The following PCDH11Y variants were observed in gnomAD, a reference collection of about 807,000 sequenced individuals.
The protein encoded by PCDH11Y is protocadherin-11 Y-linked.
For synonymous variants in PCDH11Y, 9 were observed against 83.6 expected (o/e 0.11, Z 4.87); for missense variants, 12 against 224.8 (o/e 0.05, Z 6.05).
intron 2 of PCDH11Y, among the ~76,000 whole-genome samples, chrY:5,321,637 TTTTG>T (rs2053112755): frequency 3.0e-5 from 1 of 32,806 alleles, no homozygotes; most frequent in Non-Finnish European, 7.4e-5. Flanking sequence ...TTCTCTTTAA[TTTTG>T]TTTGTTTTCT....
At chrY:5,597,007 A>G (rs2053467474) in intron 4 of PCDH11Y, among the ~76,000 whole-genome samples, 3 of 32,507 alleles carry the variant, frequency 9.2e-5, no homozygotes, top group Non-Finnish European at 2.2e-4. Context: ...GATGCCATTC[A>G]TTTAACGTAA....
intron 2 of PCDH11Y, among the ~76,000 whole-genome samples, chrY:5,247,004 A>G (rs2124656264): frequency 5.9e-5 from 2 of 33,916 alleles, no homozygotes; most frequent in African/African-American, 2.3e-4. Context: ...AGGGCATTAC[A>G]TAATAGTAAA....
chrY:5,578,352 G>A (rs368631997), intron 3 of PCDH11Y, among the ~76,000 whole-genome samples: 1 of 33,543 alleles, frequency 3.0e-5, no homozygotes, highest in Non-Finnish European at 7.4e-5. Flanking sequence ...ACAGTCTTCC[G>A]TACACTGATT....
chrY:5,634,922 G>C, intron 4 of PCDH11Y, among the ~76,000 whole-genome samples: 8 of 30,749 alleles, frequency 2.6e-4, no homozygotes, highest in Non-Finnish European at 5.4e-4. Flanking sequence ...ATCTGAAAAA[G>C]CTACCCACCA....
At chrY:5,109,331 A>T (rs2052800793), downstream of PCDH11Y, among the ~76,000 whole-genome samples, 1 of 33,893 alleles carries the variant, frequency 3.0e-5, no homozygotes. Flanking sequence ...TACGTGTGAT[A>T]CACATTTGTT....
intron 1 of PCDH11Y, among the ~76,000 whole-genome samples, chrY:5,014,658 G>A: frequency 3.0e-5 from 1 of 33,106 alleles, no homozygotes; most frequent in African/African-American, 1.2e-4. Flanking sequence ...TGAAATAATA[G>A]GTCTAGAGGG....
At chrY:5,203,714 T>A in intron 2 of PCDH11Y, among the ~76,000 whole-genome samples, 6 of 28,229 alleles carry the variant, frequency 2.1e-4, no homozygotes, top group Non-Finnish European at 2.5e-4. Flanking sequence ...TAGATAACCA[T>A]AATAAAATTC....
At chrY:5,405,173 CT>C (rs1186552709) in intron 2 of PCDH11Y, among the ~76,000 whole-genome samples, 5 of 13,264 alleles carry the variant, frequency 3.8e-4, no homozygotes, top group Non-Finnish European at 4.7e-4. Context: ...TTTCTTTTGT[CT>C]TTTTTTTTTT....
At chrY:5,638,220 G>C in intron 4 of PCDH11Y, among the ~76,000 whole-genome samples, 1 of 28,879 alleles carries the variant, frequency 3.5e-5, no homozygotes, top group African/African-American at 1.3e-4. Flanking sequence ...ACCTCCCAAA[G>C]GGCTGGAAAA....
At chrY:5,624,760 A>G in intron 4 of PCDH11Y, among the ~76,000 whole-genome samples, 5 of 32,327 alleles carry the variant, frequency 1.5e-4, no homozygotes, top group Admixed American at 1.1e-3. Flanking sequence ...TTGTATCAGT[A>G]CTATGCTGTT....
chrY:5,516,816 C>T (rs2124689646), intron 3 of PCDH11Y, among the ~76,000 whole-genome samples: 2 of 33,418 alleles, frequency 6.0e-5, no homozygotes, highest in Admixed American at 5.6e-4. Context: ...TACCTCTGTC[C>T]TCATTTTATG....
Position 5,378,869 on chromosome Y carries a change from TA to T in PCDH11Y, c.3130-122184del, listed in dbSNP as rs2053201947. ...GATGAAAACAAATAACAAAGGAGGATAAAAGCACCATTAGCAACAAGCAACA... is the reference window on the plus strand; with the variant it reads ...GATGAAAACAAATAACAAAGGAGGATAAAGCACCATTAGCAACAAGCAACA... On this transcript the variant is annotated intron_variant, in intron 2 of 4. Transcript: ENST00000400457. Among the ~76,000 whole-genome samples, 31 of 32,606 alleles carry T rather than the reference TA, an allele frequency of 9.5e-4. No individual in the cohort carries two copies. The South Asian group carries it at 0.017, about 18-fold the overall frequency. The allele number at this position is 32,606 out of a possible 37,273, so 87.5% of individuals were successfully genotyped here.
intron 2 of PCDH11Y, among the ~76,000 whole-genome samples, chrY:5,390,129 T>C: frequency 3.0e-5 from 1 of 33,540 alleles, no homozygotes; most frequent in Non-Finnish European, 7.4e-5. Flanking sequence ...ATCAGCAGTC[T>C]CCTTGTGTAT....
At chrY:5,379,633 C>T in intron 2 of PCDH11Y, among the ~76,000 whole-genome samples, 2 of 32,430 alleles carry the variant, frequency 6.2e-5, no homozygotes, top group Non-Finnish European at 1.5e-4. Context: ...AAGACACAAG[C>T]GGCTGGTCAT....
intron 4 of PCDH11Y, among the ~76,000 whole-genome samples, chrY:5,631,949 T>G: frequency 1.5e-4 from 5 of 33,387 alleles, no homozygotes; most frequent in African/African-American, 5.8e-4. Flanking sequence ...GGCAACATCA[T>G]GTAGTGGTTA....
intron 3 of PCDH11Y, among the ~76,000 whole-genome samples, chrY:5,530,206 T>C: frequency 3.1e-5 from 1 of 32,384 alleles, no homozygotes; most frequent in East Asian, 8.1e-4. Flanking sequence ...ACTGTCAGAG[T>C]TGTTTTTCTT....
At chrY:5,357,630 G>A in intron 2 of PCDH11Y, among the ~76,000 whole-genome samples, 1 of 32,516 alleles carries the variant, frequency 3.1e-5, no homozygotes, top group South Asian at 6.8e-4. Context: ...TAAATTTCAT[G>A]TAAAATAATT....
At chrY:5,594,372 G>T (rs2053465247) in intron 4 of PCDH11Y, among the ~76,000 whole-genome samples, 2 of 31,640 alleles carry the variant, frequency 6.3e-5, no homozygotes, top group African/African-American at 1.3e-4. Flanking sequence ...GCCCACCAAG[G>T]CTCTGACTGC....
At chrY:5,428,891 C>T (rs2124680314) in intron 2 of PCDH11Y, among the ~76,000 whole-genome samples, 1 of 32,797 alleles carries the variant, frequency 3.0e-5, no homozygotes, top group Non-Finnish European at 7.5e-5. Context: ...TTGAGCGGCA[C>T]AGGGCTGCAT....
Sources: gnomAD v4.1 joint callset for allele counts (sites outside exome capture counted in the v4.1 genomes callset) on GRCh38, gnomAD v4.1.1 for gene constraint, MANE v1.5 for transcripts, NCBI Gene and HGNC (gene_info 2026-07-23, HGNC 2026-07-21) for gene names.